Variants in LAMB1 observed in about 807,000 individuals in gnomAD.
The protein encoded by LAMB1 is laminin subunit beta-1.
Under a neutral mutation model 222.3 loss-of-function variants are expected in LAMB1, and 121 were observed. The observed-to-expected ratio is 0.54, with a 90% CI of 0.47 to 0.63. LAMB1 has a LOEUF of 0.63. Ranked by LOEUF, LAMB1 falls within the 30% of genes least tolerant of loss-of-function variation. The pLI, the probability that LAMB1 is intolerant of heterozygous loss-of-function variation, is 0.00. For missense variants in LAMB1, 2,172 were observed against 2,240.8 expected, an observed-to-expected ratio of 0.97 and a Z score of 0.62; for synonymous variants, 794 against 807.2, an observed-to-expected ratio of 0.98 and a Z score of 0.28.
chr7:107,935,359 T>TG, intron 27 of LAMB1, 56 bp downstream of exon 27: 2 of 472,654 alleles, frequency 4.2e-6, no homozygotes, highest in Non-Finnish European at 5.7e-6. Flanking sequence ...TTTTTTTTTT[T>TG]TTTTTTTTTT....
At chr7:107,965,068 T>C (rs1055660727) in intron 13 of LAMB1, among the ~76,000 whole-genome samples, 1 of 152,176 alleles carries the variant, frequency 6.6e-6, no homozygotes, top group African/African-American at 2.4e-5. Context: ...TCCCAGAGCA[T>C]CCCAAACCAA....
rs186548567 is a variant in LAMB1, at chr7:107,959,335, C to G, written c.2604G>C (p.Gln868His). 1.8e-4 allele frequency: 284 copies of G among 1,614,258 alleles called. 1 individual carries two copies. In the East Asian group the frequency reaches 1.8e-3, roughly 10 times the overall value. ...CGCAGTCATCGGCGTGGCCATTGCA[C>G]TGGCAGGGCTGGCAACTTGGAAAGC... ...HWGFPSCQPC[Q>H]CNGHADDCDP... Residue 868 changes from glutamine to histidine, a missense_variant, in exon 20 of 34, where the codon CAG becomes CAC. Physicochemically the swap from Gln to His is conservative, Grantham distance 24. Coordinates refer to ENST00000222399, the MANE Select transcript of LAMB1 (RefSeq NM_002291.3).
At position 107,964,618 on chromosome 7, in the gene LAMB1, T is replaced by C. The variant is rs768937742; in HGVS notation, c.1632A>G (p.Glu544=). The change falls in exon 14 of 34, where the codon GAA becomes GAG. Residue 544 remains glutamate (E), a synonymous_variant. Coordinates refer to ENST00000222399, the MANE Select transcript of LAMB1 (RefSeq NM_002291.3). Reference sequence around the variant, plus strand: ...CCAGGGTGGCAAAGTAGTAACCAGGTTCCACTTCGTTGCACTGACGTCCAA... The same window carrying C: ...CCAGGGTGGCAAAGTAGTAACCAGGCTCCACTTCGTTGCACTGACGTCCAA... ...HMIGRQCNEV[E]PGYYFATLDH... The C allele has an allele frequency of 6.2e-6, 10 of 1,614,114 alleles. No homozygotes were observed. The highest frequency in any genetic ancestry group is 7.6e-6 in the Non-Finnish European group (9 of 1,180,014).
chr7:107,938,307 T>TG (rs2032898563), intron 25 of LAMB1, among the ~76,000 whole-genome samples: 1 of 152,326 alleles, frequency 6.6e-6, no homozygotes, highest in East Asian at 1.9e-4. Context: ...TCAGTGCCTT[T>TG]TTTTCCTGAG....
intron 11 of LAMB1, 29 bp downstream of exon 11, chr7:107,975,205 C>A: frequency 3.1e-6 from 5 of 1,596,148 alleles, no homozygotes; most frequent in Non-Finnish European, 4.3e-6. Flanking sequence ...CACAAGAAAA[C>A]TCCCAAACTT....
Position 107,949,624 on chromosome 7 carries a change from T to C in LAMB1, c.3391+1602A>G, listed in dbSNP as rs190175082. ...CTCATTAAGAACCAAATTTGGAGAA[T>C]GATGAAAGAAAAGTACCTGTTTATT... On this transcript the variant is annotated intron_variant, in intron 24 of 33. Coordinates refer to ENST00000222399, the MANE Select transcript of LAMB1 (RefSeq NM_002291.3). Among the ~76,000 whole-genome samples the C allele has an allele frequency of 2.0e-3, 312 of 152,322 alleles. 2 individuals are homozygous for C. Among genetic ancestry groups the C allele is most frequent in the African/African-American group, 7.3e-3 (304 of 41,570 alleles).
At chr7:107,951,003 G>A (rs906343230) in intron 24 of LAMB1, 19 of 469,592 alleles carry the variant, frequency 4.0e-5, no homozygotes, top group African/African-American at 2.2e-4. Flanking sequence ...GTGTGAGGCC[G>A]GGAGAGTATG....
intron 27 of LAMB1, among the ~76,000 whole-genome samples, chr7:107,933,079 G>A (rs909702842): frequency 6.6e-6 from 1 of 152,100 alleles, no homozygotes; most frequent in African/African-American, 2.4e-5. Flanking sequence ...TACCACCCCC[G>A]ACTGCCATCA....
At chr7:107,993,020 A>G (rs1368514930) in intron 5 of LAMB1, among the ~76,000 whole-genome samples, 1 of 152,190 alleles carries the variant, frequency 6.6e-6, no homozygotes, top group African/African-American at 2.4e-5. Flanking sequence ...ACATGCCAAG[A>G]AGGAGCAGGC....
chr7:107,986,402 T>C (rs1199599852), intron 5 of LAMB1, 39 bp from the exon 6 acceptor site: 3 of 1,528,704 alleles, frequency 2.0e-6, no homozygotes, highest in Non-Finnish European at 2.7e-6. Flanking sequence ...ATGTTTTTTA[T>C]TGGTAGTCTC....
At chr7:107,977,872 A>C (rs2033899166) in intron 9 of LAMB1, among the ~76,000 whole-genome samples, 175 bp downstream of exon 9, 1 of 152,222 alleles carries the variant, frequency 6.6e-6, no homozygotes, top group Non-Finnish European at 1.5e-5. Flanking sequence ...TGTTCAGTGA[A>C]TATTAATTAA....
chr7:107,935,336 T>A (rs2032815431), intron 27 of LAMB1, 79 bp downstream of exon 27: 1 of 1,507,286 alleles, frequency 6.6e-7, no homozygotes, highest in African/African-American at 1.6e-5. Flanking sequence ...AAAGATGGTT[T>A]GTTTTTCTTT....
chr7:107,968,775 C>CAACAACCAA, intron 13 of LAMB1, among the ~76,000 whole-genome samples: 1 of 152,338 alleles, frequency 6.6e-6, no homozygotes, highest in Non-Finnish European at 1.5e-5. Flanking sequence ...CCCAAATTAG[C>CAACAACCAA]TGGAAACAGA....
At chr7:107,931,057 A>C (rs2032696941) in intron 29 of LAMB1, among the ~76,000 whole-genome samples, 1 of 152,146 alleles carries the variant, frequency 6.6e-6, no homozygotes, top group Non-Finnish European at 1.5e-5. Context: ...CACTTCTTTA[A>C]GGTTAGAAAT....
intron 8 of LAMB1, 125 bp from the exon 9 acceptor site, chr7:107,978,292 T>G: frequency 1.9e-6 from 2 of 1,074,922 alleles, no homozygotes; most frequent in Non-Finnish European, 2.7e-6. Flanking sequence ...CAGAAAAGGG[T>G]TGTTTGGTTG....
intron 3 of LAMB1, 115 bp downstream of exon 3, chr7:108,001,443 T>C: frequency 4.2e-6 from 5 of 1,196,530 alleles, no homozygotes; most frequent in Non-Finnish European, 5.7e-6. Context: ...ACTCCCCGGC[T>C]GGCTGCGCTT....
intron 24 of LAMB1, among the ~76,000 whole-genome samples, chr7:107,949,543 G>A (rs2033197370): frequency 6.6e-6 from 1 of 152,210 alleles, no homozygotes; most frequent in Non-Finnish European, 1.5e-5. Context: ...GAGACATCTT[G>A]GAGAAACTGG....
At chr7:107,962,488 C>T (rs981195668) in intron 15 of LAMB1, among the ~76,000 whole-genome samples, 3 of 151,984 alleles carry the variant, frequency 2.0e-5, no homozygotes, top group African/African-American at 4.8e-5. Context: ...CTGAGGCGGG[C>T]GAATCACCTG....
intron 6 of LAMB1, 45 bp from the exon 7 acceptor site, chr7:107,986,130 A>T: frequency 6.2e-7 from 1 of 1,610,916 alleles, no homozygotes; most frequent in Non-Finnish European, 8.5e-7. Context: ...CAATAATCAA[A>T]AAGTAGATTT....
Sources: allele counts gnomAD v4.1 joint callset (sites outside exome capture counted in the v4.1 genomes callset), GRCh38; gene constraint gnomAD v4.1.1; transcripts MANE v1.5; gene names NCBI Gene and HGNC (gene_info 2026-07-23, HGNC 2026-07-21).